CDH19: variants seen among roughly 807,000 people sequenced by gnomAD.
CDH19 encodes cadherin 19.
Under a neutral mutation model 64.2 loss-of-function variants are expected in CDH19, and 67 were observed. The observed-to-expected ratio is 1.04, with a 90% confidence interval of 0.86 to 1.28. The LOEUF (loss-of-function observed/expected upper bound fraction) is 1.28. CDH19 is among the 50% of genes most tolerant of loss of function. The pLI, the probability that CDH19 is intolerant of heterozygous loss-of-function variation, is 0.00. For synonymous variants in CDH19, 346 were observed against 319.3 expected (o/e 1.08, Z -0.89); for missense variants, 1,030 against 929.0 (o/e 1.11, Z -1.41).
chr18:66,589,637 A>C (rs1988684650), intron 1 of CDH19, among the ~76,000 whole-genome samples: 1 of 151,390 alleles, frequency 6.6e-6, no homozygotes, highest in Non-Finnish European at 1.5e-5. Flanking sequence ...CTTAGTAAGC[A>C]CCACTGCCAA....
chr18:66,507,566 T>C (rs1389942512), intron 11 of CDH19, among the ~76,000 whole-genome samples: 1 of 151,848 alleles, frequency 6.6e-6, no homozygotes, highest in Non-Finnish European at 1.5e-5. Context: ...TAAGACCTTT[T>C]GGTGTTCAGC....
At chr18:66,595,813 C>T (rs1482822222) in intron 1 of CDH19, among the ~76,000 whole-genome samples, 3 of 152,080 alleles carry the variant, frequency 2.0e-5, no homozygotes, top group African/African-American at 7.2e-5. Context: ...CTAACTCGTT[C>T]TATAAGGCCG....
chr18:66,593,099 T>C (rs990690602), intron 1 of CDH19, among the ~76,000 whole-genome samples: 1 of 151,870 alleles, frequency 6.6e-6, no homozygotes, highest in Non-Finnish European at 1.5e-5. Context: ...ACATTCTAAC[T>C]GGGGTGAAAT....
rs1985044470 is a variant in CDH19 at position 66,503,685 on chromosome 18, C to G, written c.*1127G>C. 6.6e-6 allele frequency: 1 copy of G among 151,620 alleles called. No individual in the cohort carries two copies. Among genetic ancestry groups the G allele is most frequent in the Non-Finnish European group, 1.5e-5 (1 of 67,830 alleles). The allele number at this position is 151,620 out of a possible 1,614,324, so 9.4% of individuals were successfully genotyped here. The stretch of plus-strand genomic sequence containing the variant: ...TATGAAAAAAAATCTATGACAAACA[C>G]CTAAATATATTTTCCTTTTTAATAC... On this transcript the variant is annotated 3_prime_UTR_variant, in exon 12 of 12. Transcript: ENST00000262150.
chr18:66,550,075 T>C (rs1159983078), intron 5 of CDH19, among the ~76,000 whole-genome samples: 2 of 152,190 alleles, frequency 1.3e-5, no homozygotes, highest in South Asian at 2.1e-4. Context: ...AATCATGCTA[T>C]GGTATATATT....
chr18:66,600,513 T>C (rs1989011459), intron 1 of CDH19, among the ~76,000 whole-genome samples: 1 of 151,902 alleles, frequency 6.6e-6, no homozygotes, highest in Non-Finnish European at 1.5e-5. Flanking sequence ...TTTTAAACAC[T>C]GGTTTAAAAA....
At chr18:66,558,179 A>AAT (rs921941448) in intron 3 of CDH19, among the ~76,000 whole-genome samples, 11 of 147,682 alleles carry the variant, frequency 7.4e-5, no homozygotes, top group African/African-American at 1.7e-4. Context: ...ATATATATAT[A>AAT]ATATATATAT....
intron 8 of CDH19, 22 bp downstream of exon 8, chr18:66,534,964 T>G: frequency 1.4e-6 from 2 of 1,423,782 alleles, no homozygotes; most frequent in Non-Finnish European, 1.9e-6. Context: ...ACAACTGTAT[T>G]GGATTTCAAA....
At chr18:66,538,268 A>G (rs1986751409) in intron 7 of CDH19, among the ~76,000 whole-genome samples, 1 of 152,160 alleles carries the variant, frequency 6.6e-6, no homozygotes, top group African/African-American at 2.4e-5. Flanking sequence ...ATAATATAAT[A>G]AAGTACATTT....
At position 66,544,710 on chromosome 18, in the gene CDH19, C is replaced by T. The variant is rs1987034213; in HGVS notation, c.960+9G>A. The T allele has an allele frequency of 1.3e-6, 2 of 1,571,580 alleles. No individual in the cohort carries two copies. On this transcript the variant is annotated intron_variant, in intron 6 of 11. Coordinates refer to ENST00000262150, the MANE Select transcript of CDH19 (RefSeq NM_021153.4). ...TATTCTGCAAGGCAAATAATTTTAA[C>T]ATGTCTACCTTTTTTAATATAACTA...
intron 4 of CDH19, 103 bp from the exon 5 acceptor site, chr18:66,551,361 A>G (rs1293099988): frequency 5.8e-6 from 4 of 686,880 alleles, no homozygotes; most frequent in South Asian, 1.7e-5. Flanking sequence ...CTATATGTTG[A>G]ACCACTGCAA....
At chr18:66,511,318 A>C (rs1344980077) in intron 10 of CDH19, among the ~76,000 whole-genome samples, 1 of 150,374 alleles carries the variant, frequency 6.7e-6, no homozygotes, top group African/African-American at 2.4e-5. Context: ...TTCAGACTTT[A>C]CAAGAGCTTA....
intron 8 of CDH19, among the ~76,000 whole-genome samples, chr18:66,531,041 C>T (rs974421800): frequency 2.0e-5 from 3 of 151,972 alleles, no homozygotes; most frequent in Non-Finnish European, 2.9e-5. Context: ...TTGTCATATG[C>T]GATAGAACAG....
In CDH19 at chr18:66,522,038, C is replaced by G. The variant is rs376000657; in HGVS notation, c.1458+7807G>C. Among the ~76,000 whole-genome samples the G allele has an allele frequency of 3.2e-4, 48 of 151,710 alleles. 1 individual carries two copies. The highest frequency in any genetic ancestry group is 1.1e-3 in the African/African-American group (45 of 41,364). ...CTCGGCTCACTGCAAGCTCCGCCTC[C>G]CGGGTTCACGCCATTCTCCTGCCTC... On this transcript the variant is annotated intron_variant, in intron 9 of 11. Coordinates refer to ENST00000262150, the MANE Select transcript of CDH19 (RefSeq NM_021153.4).
chr18:66,528,298 G>A (rs1847136051), intron 9 of CDH19, among the ~76,000 whole-genome samples: 1 of 152,074 alleles, frequency 6.6e-6, no homozygotes, highest in Non-Finnish European at 1.5e-5. Flanking sequence ...TGTCTAAGCT[G>A]AATTTCTGCA....
chr18:66,514,632 A>G (rs1985651970), intron 9 of CDH19, among the ~76,000 whole-genome samples: 2 of 151,630 alleles, frequency 1.3e-5, no homozygotes, highest in Admixed American at 6.6e-5. Flanking sequence ...ATAAGTTCCA[A>G]TTTAGTTATT....
intron 5 of CDH19, among the ~76,000 whole-genome samples, chr18:66,550,014 A>G (rs372869037): frequency 6.6e-6 from 1 of 152,152 alleles, no homozygotes; most frequent in African/African-American, 2.4e-5. Flanking sequence ...AGGAAAAAAA[A>G]GTAATCAAAA....
intron 3 of CDH19, among the ~76,000 whole-genome samples, chr18:66,559,520 T>C (rs528766751): frequency 6.6e-6 from 1 of 151,732 alleles, no homozygotes; most frequent in African/African-American, 2.4e-5. Context: ...TAAATAAATA[T>C]TGGAAAAGAA....
chr18:66,536,290 TG>T (rs2144448309), intron 7 of CDH19, among the ~76,000 whole-genome samples: 1 of 151,864 alleles, frequency 6.6e-6, no homozygotes, highest in South Asian at 2.1e-4. Flanking sequence ...TATGCTACTT[TG>T]TAGCTAGGTA....
Sources: gnomAD v4.1 joint callset for allele counts (sites outside exome capture counted in the v4.1 genomes callset) on GRCh38, gnomAD v4.1.1 for gene constraint, MANE v1.5 for transcripts, NCBI Gene and HGNC (gene_info 2026-07-23, HGNC 2026-07-21) for gene names.